The following KCNMB4 variants were observed in gnomAD, a reference collection of about 807,000 sequenced individuals.
KCNMB4 encodes potassium calcium-activated channel subfamily M regulatory beta subunit 4, also known as calcium-activated potassium channel subunit beta-4.
KCNMB4 carries 3 observed loss-of-function variants against 20.7 expected under a neutral mutation model. The ratio of observed to expected loss-of-function variants is 0.14; its 90% CI spans 0.07 to 0.37. The LOEUF (loss-of-function observed/expected upper bound fraction) is 0.37. Among genes scored for constraint, KCNMB4 ranks in the 10% least tolerant of loss-of-function variants. KCNMB4 has a pLI of 1.00. For synonymous variants in KCNMB4, 110 were observed against 113.4 expected, an observed-to-expected ratio of 0.97 and a Z score of 0.19; for missense variants, 168 against 265.9, an observed-to-expected ratio of 0.63 and a Z score of 2.56.
rs540693422 is a variant in KCNMB4, at chr12:70,377,995, G to A, written c.336+10925G>A. ...GATGGAGTCTTGCCCTGTTGCCCAG[G>A]CTGGAGTGCAGTGGTGTAATCTCGT... On this transcript the variant is annotated intron_variant, in intron 1 of 2. Transcript: ENST00000258111. Among the ~76,000 whole-genome samples, 5 of 149,992 alleles carry A rather than the reference G, an allele frequency of 3.3e-5. No individual in the cohort carries two copies. In the East Asian group the frequency reaches 9.9e-4, roughly 30 times the overall value.
At chr12:70,402,333 GT>G (rs1868474330) in intron 2 of KCNMB4, among the ~76,000 whole-genome samples, 3 of 151,928 alleles carry the variant, frequency 2.0e-5, no homozygotes, top group Admixed American at 2.0e-4. Context: ...ATTAGGAAAT[GT>G]ATTATTTTAT....
intron 1 of KCNMB4, among the ~76,000 whole-genome samples, chr12:70,376,439 A>G (rs1883688079): frequency 6.6e-6 from 1 of 152,130 alleles, no homozygotes; most frequent in South Asian, 2.1e-4. Flanking sequence ...ATATATAGTA[A>G]CTCCTAAAGA....
chr12:70,399,077 A>G (rs892979625), intron 1 of KCNMB4, among the ~76,000 whole-genome samples: 7 of 152,236 alleles, frequency 4.6e-5, no homozygotes, highest in African/African-American at 1.4e-4. Flanking sequence ...GTACATCCAT[A>G]TGGCTGCATC....
At chr12:70,375,323 A>G (rs763709908) in intron 1 of KCNMB4, among the ~76,000 whole-genome samples, 1 of 152,042 alleles carries the variant, frequency 6.6e-6, no homozygotes, top group African/African-American at 2.4e-5. Context: ...CATCAGAATT[A>G]TCTGTGAACT....
intron 1 of KCNMB4, among the ~76,000 whole-genome samples, chr12:70,379,882 C>T (rs1399765024): frequency 1.3e-5 from 2 of 152,170 alleles, no homozygotes; most frequent in African/African-American, 2.4e-5. Flanking sequence ...CTGGTTTGAT[C>T]CTCTATCCAG....
chr12:70,382,172 G>A (rs942690812), intron 1 of KCNMB4, among the ~76,000 whole-genome samples: 7 of 152,012 alleles, frequency 4.6e-5, no homozygotes, highest in African/African-American at 1.4e-4. Flanking sequence ...GTGGCCGGGC[G>A]CGGTGGCTCA....
intron 2 of KCNMB4, among the ~76,000 whole-genome samples, chr12:70,420,322 T>C (rs1869018416): frequency 6.6e-6 from 1 of 152,210 alleles, no homozygotes. Context: ...AAAGGAACTT[T>C]GCAGATGTGA....
chr12:70,394,834 T>C (rs1039692671), intron 1 of KCNMB4, among the ~76,000 whole-genome samples: 8 of 152,228 alleles, frequency 5.3e-5, no homozygotes, highest in Admixed American at 1.3e-4. Context: ...GCCTGGCTGA[T>C]TATTTAATAC....
chr12:70,371,928 G>A (rs539287771), intron 1 of KCNMB4, among the ~76,000 whole-genome samples: 17 of 152,298 alleles, frequency 1.1e-4, no homozygotes, highest in African/African-American at 3.4e-4. Flanking sequence ...AATTTGGGCA[G>A]GATAAGAGTA....
chr12:70,370,307 G>GTT (rs5798977), intron 1 of KCNMB4, among the ~76,000 whole-genome samples: 3,281 of 149,628 alleles, frequency 0.022, 83 homozygotes, highest in Admixed American at 0.046. Flanking sequence ...GTTTTTTTTT[G>GTT]TTTTTTTGTT....
At chr12:70,419,483 A>C (rs1868993841) in intron 2 of KCNMB4, among the ~76,000 whole-genome samples, 2 of 152,180 alleles carry the variant, frequency 1.3e-5, no homozygotes, top group African/African-American at 2.4e-5. Flanking sequence ...CAACAAGAAG[A>C]ACTGATTAAA....
At chr12:70,380,555 C>T (rs761185248) in intron 1 of KCNMB4, among the ~76,000 whole-genome samples, 5 of 151,570 alleles carry the variant, frequency 3.3e-5, no homozygotes, top group African/African-American at 4.8e-5. Flanking sequence ...AGCAATAAAA[C>T]GAAGTGTGCC....
intron 1 of KCNMB4, among the ~76,000 whole-genome samples, chr12:70,388,757 G>C (rs959332367): frequency 1.3e-5 from 2 of 152,056 alleles, no homozygotes; most frequent in Non-Finnish European, 2.9e-5. Context: ...TGTCTCCTTG[G>C]GTTATGAGGA....
rs936580341 is a variant in KCNMB4, at chr12:70,431,303, ACCTGCCTTTG to A, written c.*654_*663del. On this transcript the variant is annotated 3_prime_UTR_variant, in exon 3 of 3. Transcript: ENST00000258111. ...AGATTGGGAAAACATATCCTCCAAC[ACCTGCCTTTG>A]CCTAACCATTATTTTTCACCAGATT... The A allele has an allele frequency of 3.9e-5, 6 of 152,046 alleles. No homozygotes were observed. Among genetic ancestry groups the A allele is most frequent in the African/African-American group, 1.4e-4 (6 of 41,396 alleles). The allele number at this position is 152,046 out of a possible 1,614,324, so 9.4% of individuals were successfully genotyped here. A position where few individuals can be genotyped will look rare whatever the true frequency, so the allele number is the denominator to read the frequency against.
chr12:70,413,914 T>C (rs1868848836), intron 2 of KCNMB4, among the ~76,000 whole-genome samples: 1 of 152,204 alleles, frequency 6.6e-6, no homozygotes, highest in Non-Finnish European at 1.5e-5. Context: ...TATTGCTCAA[T>C]GGCTAGAGAG....
At chr12:70,370,912 A>G (rs1185983443) in intron 1 of KCNMB4, among the ~76,000 whole-genome samples, 1 of 152,116 alleles carries the variant, frequency 6.6e-6, no homozygotes, top group Non-Finnish European at 1.5e-5. Context: ...GCTGGAGTGC[A>G]GTGGCATGAT....
chr12:70,388,892 G>A (rs1392356061), intron 1 of KCNMB4, among the ~76,000 whole-genome samples: 1 of 151,762 alleles, frequency 6.6e-6, no homozygotes, highest in Non-Finnish European at 1.5e-5. Flanking sequence ...ACTTTTATTT[G>A]AGGGTAAGGA....
intron 2 of KCNMB4, among the ~76,000 whole-genome samples, chr12:70,401,653 T>TA (rs1555212599): frequency 4.6e-5 from 7 of 150,832 alleles, no homozygotes; most frequent in South Asian, 2.1e-4. Flanking sequence ...TTTTTTTTTT[T>TA]ATGATTCTGT....
In KCNMB4 at chr12:70,399,196, A is replaced by G. The variant is rs543214606; in HGVS notation, c.337-1013A>G. Among the ~76,000 whole-genome samples the G allele has an allele frequency of 2.6e-5, 4 of 152,330 alleles. No individual in the cohort carries two copies. In the South Asian group the frequency reaches 6.2e-4, roughly 24 times the overall value. On this transcript the variant is annotated intron_variant, in intron 1 of 2. Coordinates refer to ENST00000258111, the MANE Select transcript of KCNMB4 (RefSeq NM_014505.6). Reference sequence around the variant, plus strand: ...AGAAAATAGTGAGAAGGTGTTGAATAATTGTATGCTGTAAATTAAACAATG... The same window carrying G: ...AGAAAATAGTGAGAAGGTGTTGAATGATTGTATGCTGTAAATTAAACAATG...
Sources: allele counts gnomAD v4.1 joint callset (sites outside exome capture counted in the v4.1 genomes callset), GRCh38; gene constraint gnomAD v4.1.1; transcripts MANE v1.5; gene names NCBI Gene and HGNC (gene_info 2026-07-23, HGNC 2026-07-21).